The following PCDH15 variants were observed in gnomAD, a reference collection of about 807,000 sequenced individuals.
The protein encoded by PCDH15 is protocadherin-15.
PCDH15 carries 129 observed loss-of-function variants against 178.5 expected under a neutral mutation model. That is an observed-to-expected ratio of 0.72 (90% CI 0.63 to 0.84). PCDH15 has a LOEUF of 0.84. Among genes scored for constraint, PCDH15 ranks in the 40% least tolerant of loss-of-function variants. The pLI, the probability that PCDH15 is intolerant of heterozygous loss-of-function variation, is 0.00. For synonymous variants in PCDH15, 800 were observed against 732.0 expected (o/e 1.09, Z -1.50); for missense variants, 2,230 against 2,099.9 (o/e 1.06, Z -1.21).
chr10:54,234,010 G>A (rs1327912719), intron 9 of PCDH15, among the ~76,000 whole-genome samples: 2 of 152,078 alleles, frequency 1.3e-5, no homozygotes, highest in African/African-American at 2.4e-5. Flanking sequence ...GAGAGGAGTC[G>A]TCCATGTGGT....
rs745464487 is a variant in PCDH15 at position 54,153,165 on chromosome 10, C to T, written c.1719G>A (p.Met573Ile). 4 of 1,613,928 alleles carry T rather than the reference C, an allele frequency of 2.5e-6. No homozygotes were observed. The highest frequency in any genetic ancestry group is 4.5e-5 in the East Asian group (2 of 44,854). ...GLITIAPGVE[M>I]IVGRTYALTV... ...TGAGTGCGTAAGTCCGCCCGACTAT[C>T]ATTTCCACCCCTGGAGCGATGGTGA... Residue 573 changes from methionine (M) to isoleucine (I), a missense_variant, in exon 14 of 38, where the codon ATG (methionine) becomes ATA (isoleucine). Coordinates refer to ENST00000644397, the MANE Select transcript of PCDH15 (RefSeq NM_001384140.1).
chr10:54,578,441 T>C (rs1260244532), intron 2 of PCDH15, among the ~76,000 whole-genome samples: 2 of 152,126 alleles, frequency 1.3e-5, no homozygotes, highest in African/African-American at 2.4e-5. Flanking sequence ...AGGAAAACAC[T>C]AGAGAGAATG....
intron 7 of PCDH15, among the ~76,000 whole-genome samples, chr10:54,328,113 T>A (rs933745002): frequency 1.3e-5 from 2 of 152,032 alleles, no homozygotes; most frequent in African/African-American, 4.8e-5. Flanking sequence ...CTAAAAATAT[T>A]TCATGATCCT....
At chr10:53,964,095 G>T (rs113427835) in intron 21 of PCDH15, among the ~76,000 whole-genome samples, 6 of 152,234 alleles carry the variant, frequency 3.9e-5, no homozygotes, top group African/African-American at 1.4e-4. Context: ...AGGAAAATAA[G>T]GTGGCAATAT....
chr10:55,283,276 G>A (rs1328960697), intron 1 of PCDH15, among the ~76,000 whole-genome samples: 5 of 152,120 alleles, frequency 3.3e-5, no homozygotes, highest in South Asian at 2.1e-4. Flanking sequence ...CTCAGCGCAC[G>A]AGGACAGCTT....
At chr10:54,754,942 C>CTTCCTTTTTT (rs775058954) in intron 1 of PCDH15, among the ~76,000 whole-genome samples, 59 of 33,850 alleles carry the variant, frequency 1.7e-3, no homozygotes, top group African/African-American at 4.8e-3. Context: ...GTTTTTCTTT[C>CTTCCTTTTTT]TTTTTTTTTT....
chr10:54,091,254 C>A (rs1393319591), intron 15 of PCDH15, among the ~76,000 whole-genome samples: 1 of 152,144 alleles, frequency 6.6e-6, no homozygotes, highest in East Asian at 1.9e-4. Context: ...GGGGATATAT[C>A]TGATAAAGGT....
intron 2 of PCDH15, among the ~76,000 whole-genome samples, chr10:54,662,813 A>T (rs139221848): frequency 1.1e-4 from 16 of 152,116 alleles, no homozygotes; most frequent in African/African-American, 3.6e-4. Context: ...TTGATTTCCA[A>T]TCTACTCCTC....
rs150665476 is a variant in PCDH15 at position 55,306,083 on chromosome 10, G to T, written c.-156+13516C>A. ...TCATGTATAATTTTAAATGTAAATG[G>T]TAGACCCACCCAAGCTATCATTAAC... On this transcript the variant is annotated intron_variant, in intron 1 of 5. Coordinates refer to the PCDH15 transcript ENST00000458638. Among the ~76,000 whole-genome samples, 681 of 152,090 alleles carry T rather than the reference G, an allele frequency of 4.5e-3. 8 individuals are homozygous for T. The highest frequency in any genetic ancestry group is 0.015 in the African/African-American group (635 of 41,494).
chr10:54,487,044 T>C (rs1159290338), intron 3 of PCDH15, among the ~76,000 whole-genome samples: 1 of 152,078 alleles, frequency 6.6e-6, no homozygotes, highest in Non-Finnish European at 1.5e-5. Flanking sequence ...ATACTTGTCA[T>C]TATTATATAT....
chr10:55,066,443 T>C (rs1841566338), intron 2 of PCDH15, among the ~76,000 whole-genome samples: 1 of 150,950 alleles, frequency 6.6e-6, no homozygotes, highest in Admixed American at 6.6e-5. Flanking sequence ...TAATTTGATA[T>C]GCAGTGTTCT....
At chr10:54,692,191 T>A (rs2135810064) in intron 1 of PCDH15, among the ~76,000 whole-genome samples, 1 of 152,274 alleles carries the variant, frequency 6.6e-6, no homozygotes, top group East Asian at 1.9e-4. Flanking sequence ...ATTGTAGAGT[T>A]CATTTATCAT....
chr10:55,317,905 G>C (rs1453236430), intron 1 of PCDH15, among the ~76,000 whole-genome samples: 1 of 152,076 alleles, frequency 6.6e-6, no homozygotes, highest in African/African-American at 2.4e-5. Flanking sequence ...ATTATGTTTG[G>C]GTCTGCTAAA....
intron 3 of PCDH15, among the ~76,000 whole-genome samples, chr10:54,835,684 C>A (rs1247110511): frequency 1.3e-5 from 2 of 151,932 alleles, no homozygotes; most frequent in African/African-American, 4.8e-5. Context: ...AATTACATAT[C>A]AAAAATATTT....
intron 28 of PCDH15, among the ~76,000 whole-genome samples, chr10:53,846,595 G>A (rs1437365574): frequency 6.6e-6 from 1 of 151,676 alleles, no homozygotes; most frequent in African/African-American, 2.4e-5. Flanking sequence ...ATAAACAATT[G>A]GTTCGCTTAA....
chr10:53,951,895 G>A (rs1026500975), intron 23 of PCDH15, among the ~76,000 whole-genome samples: 23 of 152,182 alleles, frequency 1.5e-4, no homozygotes, highest in African/African-American at 3.9e-4. Flanking sequence ...AGCCAGGCAC[G>A]CTGGCTGCTG....
intron 2 of PCDH15, among the ~76,000 whole-genome samples, chr10:55,475,976 A>T (rs1188985773): frequency 3.3e-5 from 5 of 152,082 alleles, no homozygotes; most frequent in Admixed American, 2.6e-4. Context: ...AATAACAGTC[A>T]TCTCAGGTGA....
At chr10:54,670,747 A>T (rs1203447226) in intron 1 of PCDH15, among the ~76,000 whole-genome samples, 2 of 152,090 alleles carry the variant, frequency 1.3e-5, no homozygotes, top group Admixed American at 1.3e-4. Context: ...TAGTGTTTAT[A>T]CATACATTTA....
At chr10:55,250,082 T>G (rs1841794342) in intron 1 of PCDH15, among the ~76,000 whole-genome samples, 1 of 152,080 alleles carries the variant, frequency 6.6e-6, no homozygotes, top group African/African-American at 2.4e-5. Flanking sequence ...AAGAAGTAAT[T>G]TTGTTTTTCT....
Sources: gnomAD v4.1 joint callset for allele counts (sites outside exome capture counted in the v4.1 genomes callset) on GRCh38, gnomAD v4.1.1 for gene constraint, MANE v1.5 for transcripts, NCBI Gene and HGNC (gene_info 2026-07-23, HGNC 2026-07-21) for gene names.